Variants in OR2L13 observed in about 807,000 individuals in gnomAD.
The protein encoded by OR2L13 is olfactory receptor family 2 subfamily L member 13, also known as olfactory receptor 2L13.
Under a neutral mutation model 15.3 loss-of-function variants are expected in OR2L13, and 14 were observed. The observed-to-expected ratio is 0.91, with a 90% CI of 0.60 to 1.43. OR2L13 has a LOEUF of 1.43. Among genes scored for constraint, OR2L13 ranks in the 40% most tolerant of loss-of-function variants. The pLI, the probability that OR2L13 is intolerant of heterozygous loss-of-function variation, is 0.00. For synonymous variants in OR2L13, 152 were observed against 142.9 expected (o/e 1.06, Z -0.45); for missense variants, 367 against 387.9 (o/e 0.95, Z 0.45).
chr1:247,982,120 TAAC>T, the OR2L13 span, among the ~76,000 whole-genome samples: 3 of 152,142 alleles, frequency 2.0e-5, no homozygotes, highest in Non-Finnish European at 4.4e-5. Context: ...TGGCCCATAA[TAAC>T]AATTTTAAGT....
chr1:247,954,102 A>G, the OR2L13 span, among the ~76,000 whole-genome samples: 1 of 152,108 alleles, frequency 6.6e-6, no homozygotes, highest in Non-Finnish European at 1.5e-5. Context: ...TCTTGTATCA[A>G]TTTGTTTCCT....
chr1:248,046,453 G>C, the OR2L13 span, among the ~76,000 whole-genome samples: 1 of 152,148 alleles, frequency 6.6e-6, no homozygotes, highest in Admixed American at 6.5e-5. Flanking sequence ...TCAGGCTATG[G>C]AGTTTCATGA....
the OR2L13 span, among the ~76,000 whole-genome samples, chr1:248,037,102 A>C: frequency 1.3e-5 from 2 of 152,182 alleles, no homozygotes; most frequent in Non-Finnish European, 2.9e-5. Flanking sequence ...AAGAGAATGG[A>C]CATTTGATGG....
the OR2L13 span, among the ~76,000 whole-genome samples, chr1:247,940,657 A>C: frequency 1.1e-4 from 16 of 152,170 alleles, no homozygotes; most frequent in Non-Finnish European, 1.9e-4. Context: ...GCTGTTGTGA[A>C]TAGTGCAGCA....
exon 3 of OR2L13, chr1:248,100,880 T>G (rs1045679314): frequency 6.0e-6 from 1 of 166,466 alleles, no homozygotes; most frequent in African/African-American, 2.4e-5. Context: ...ACAATATTGC[T>G]GATGAACTGA....
chr1:248,011,424 G>T, the OR2L13 span, among the ~76,000 whole-genome samples: 1 of 152,040 alleles, frequency 6.6e-6, no homozygotes, highest in Non-Finnish European at 1.5e-5. Context: ...ACAATTATGT[G>T]TTGTAGGGTT....
chr1:248,092,540 TCAA>T (rs1226854087), upstream of OR2L13, among the ~76,000 whole-genome samples: 2 of 152,166 alleles, frequency 1.3e-5, no homozygotes, highest in Admixed American at 1.3e-4. Flanking sequence ...ACTACTCCAT[TCAA>T]CAACATTAGA....
chr1:248,100,235 T>C, exon 3 of OR2L13: 1 of 1,613,418 alleles, frequency 6.2e-7, no homozygotes, highest in Non-Finnish European at 8.5e-7. Context: ...CTCAATCCCA[T>C]TATCTACAGC....
chr1:248,073,482 G>C, the OR2L13 span, among the ~76,000 whole-genome samples: 2 of 151,966 alleles, frequency 1.3e-5, no homozygotes, highest in Middle Eastern at 3.4e-3. Context: ...GTTGTGGGGT[G>C]GGGGGAGCGG....
At chr1:248,027,410 T>A in the OR2L13 span, among the ~76,000 whole-genome samples, 2 of 152,196 alleles carry the variant, frequency 1.3e-5, no homozygotes, top group East Asian at 3.8e-4. Flanking sequence ...TGTGATATTT[T>A]ATTACCTTGT....
At chr1:248,053,637 A>G in the OR2L13 span, among the ~76,000 whole-genome samples, 1 of 152,168 alleles carries the variant, frequency 6.6e-6, no homozygotes, top group Non-Finnish European at 1.5e-5. Context: ...TTGACTTTTT[A>G]ATAATTGCCA....
the OR2L13 span, among the ~76,000 whole-genome samples, chr1:247,999,027 G>A: frequency 9.9e-5 from 15 of 152,206 alleles, no homozygotes; most frequent in African/African-American, 3.6e-4. Context: ...GGGTAATGAG[G>A]AAAATGCTGA....
the OR2L13 span, among the ~76,000 whole-genome samples, chr1:248,034,197 A>G: frequency 6.6e-6 from 1 of 152,210 alleles, no homozygotes; most frequent in Non-Finnish European, 1.5e-5. Flanking sequence ...ATGCTCATGG[A>G]TAGGTAGAAT....
At chr1:248,076,165 G>A in the OR2L13 span, among the ~76,000 whole-genome samples, 4 of 151,870 alleles carry the variant, frequency 2.6e-5, no homozygotes, top group African/African-American at 7.3e-5. Flanking sequence ...GTAGATGTAT[G>A]GCATTATTTC....
chr1:248,001,383 A>G, the OR2L13 span, among the ~76,000 whole-genome samples: 1 of 151,842 alleles, frequency 6.6e-6, no homozygotes, highest in Non-Finnish European at 1.5e-5. Flanking sequence ...AATCTCGACT[A>G]CAACTTTTTC....
the OR2L13 span, among the ~76,000 whole-genome samples, chr1:248,049,171 ACT>A: frequency 6.6e-5 from 10 of 151,884 alleles, no homozygotes; most frequent in Admixed American, 3.9e-4. Context: ...GTCGTGAATA[ACT>A]CTCTTCAAAT....
chr1:247,975,642 C>G, the OR2L13 span: 1 of 1,196,514 alleles, frequency 8.4e-7, no homozygotes, highest in Non-Finnish European at 1.2e-6. Flanking sequence ...GTCAGAGAAT[C>G]TTCCCTGTGA....
the OR2L13 span, among the ~76,000 whole-genome samples, chr1:248,067,792 G>A: frequency 4.6e-5 from 7 of 152,336 alleles, no homozygotes; most frequent in South Asian, 8.3e-4. Context: ...ACTCCCACCC[G>A]AATACTGCGC....
chr1:247,966,265 G>C, the OR2L13 span: 1 of 1,613,550 alleles, frequency 6.2e-7, no homozygotes. Flanking sequence ...AAATAAGGAA[G>C]TGACGGGGGC....
Sources: allele counts gnomAD v4.1 joint callset (sites outside exome capture counted in the v4.1 genomes callset), GRCh38; gene constraint gnomAD v4.1.1; transcripts MANE v1.5; gene names NCBI Gene and HGNC (gene_info 2026-07-23, HGNC 2026-07-21).